SFSWAP: variants seen among roughly 807,000 people sequenced by gnomAD.
SFSWAP encodes splicing factor, suppressor of white-apricot homolog.
SFSWAP carries 17 observed loss-of-function variants against 100.7 expected under a neutral mutation model. The ratio of observed to expected loss-of-function variants is 0.17; its 90% CI spans 0.12 to 0.25. SFSWAP has a LOEUF of 0.25. Among genes scored for constraint, SFSWAP ranks in the 10% least tolerant of loss-of-function variants. The probability of loss-of-function intolerance (pLI) is 1.00; values close to 1 mark genes in which losing one functional copy is unlikely to be tolerated. For synonymous variants in SFSWAP, 504 were observed against 510.1 expected (o/e 0.99, Z 0.16); for missense variants, 1,005 against 1,262.6 (o/e 0.80, Z 3.09).
intron 15 of SFSWAP, among the ~76,000 whole-genome samples, chr12:131,795,465 A>G (rs1362148015): frequency 1.3e-5 from 2 of 152,126 alleles, no homozygotes; most frequent in South Asian, 2.1e-4. Context: ...AGCTCTGTCT[A>G]AGTTCTGCAG....
intron 1 of SFSWAP, chr12:131,713,153 C>G (rs1877542575): frequency 6.6e-6 from 1 of 152,092 alleles, no homozygotes; most frequent in African/African-American, 2.4e-5. Context: ...GTTTGTTTCT[C>G]TACATTTGTT....
At chr12:131,787,013 C>T (rs927281694) in intron 15 of SFSWAP, among the ~76,000 whole-genome samples, 1 of 152,166 alleles carries the variant, frequency 6.6e-6, no homozygotes, top group Non-Finnish European at 1.5e-5. Flanking sequence ...ACGGTGACTA[C>T]GGCCCAGGCT....
chr12:131,715,337 A>G (rs1347653495), intron 3 of SFSWAP, among the ~76,000 whole-genome samples: 1 of 152,118 alleles, frequency 6.6e-6, no homozygotes, highest in African/African-American at 2.4e-5. Flanking sequence ...GCTTCCCCAT[A>G]TCCCTCCACA....
At chr12:131,736,329 G>T (rs1566016091) in intron 7 of SFSWAP, among the ~76,000 whole-genome samples, 1 of 152,126 alleles carries the variant, frequency 6.6e-6, no homozygotes, top group East Asian at 1.9e-4. Context: ...AAATTCTTAG[G>T]AAAGTAAGGA....
At chr12:131,789,349 T>C (rs528149078) in intron 15 of SFSWAP, among the ~76,000 whole-genome samples, 1 of 152,268 alleles carries the variant, frequency 6.6e-6, no homozygotes, top group East Asian at 1.9e-4. Context: ...TTTTAACTTA[T>C]AGGCAAGTTT....
At chr12:131,748,361 T>C in intron 7 of SFSWAP, among the ~76,000 whole-genome samples, 1 of 152,302 alleles carries the variant, frequency 6.6e-6, no homozygotes, top group South Asian at 2.1e-4. Flanking sequence ...AGTTTCACCA[T>C]GTTGGCCAGG....
Position 131,797,364 on chromosome 12 carries a change from A to G in SFSWAP, c.2717+4A>G. 6.3e-7 allele frequency: 1 copy of G among 1,599,940 alleles called. No homozygotes were observed. The highest frequency in any genetic ancestry group is 2.2e-5 in the East Asian group (1 of 44,580). ...GCTCCAGCCAGGAGCGCTCCAGGTA[A>G]CCCCTGTCCTCCAGCAGCTCTCTCT... is the stretch of plus-strand genomic sequence containing the variant. On this transcript the variant is annotated splice_donor_region_variant and intron_variant, in intron 16 of 17. Transcript: ENST00000261674.
At position 131,739,737 on chromosome 12, in the gene SFSWAP, G is replaced by T. The variant is rs1438045636; in HGVS notation, c.1081+11309G>T. ...ATTTTTTGTATTTTTAGTAGACAGG[G>T]TTTCACTGTACTAGCCAGGATGGTC... On this transcript the variant is annotated intron_variant, in intron 7 of 17. Coordinates refer to ENST00000261674, the MANE Select transcript of SFSWAP (RefSeq NM_004592.4). 2.6e-5 allele frequency among the ~76,000 whole-genome samples: 4 copies of T among 151,676 alleles called. No homozygotes were observed. The South Asian group carries it at 8.3e-4, about 31-fold the overall frequency.
At chr12:131,741,722 C>T (rs1324916965) in intron 7 of SFSWAP, among the ~76,000 whole-genome samples, 1 of 151,810 alleles carries the variant, frequency 6.6e-6, no homozygotes, top group African/African-American at 2.4e-5. Flanking sequence ...TGGACCCTGC[C>T]TCACAGCCTC....
chr12:131,741,424 T>C (rs1880616325), intron 7 of SFSWAP, among the ~76,000 whole-genome samples: 1 of 151,986 alleles, frequency 6.6e-6, no homozygotes, highest in Non-Finnish European at 1.5e-5. Flanking sequence ...TCTCTTGAGC[T>C]CAGGAGGTCA....
chr12:131,749,959 G>T (rs1881470515), intron 7 of SFSWAP, among the ~76,000 whole-genome samples: 1 of 152,230 alleles, frequency 6.6e-6, no homozygotes, highest in African/African-American at 2.4e-5. Flanking sequence ...GAGATAAGCT[G>T]AATAGGGGCC....
At chr12:131,716,145 A>G (rs1204734276) in intron 3 of SFSWAP, among the ~76,000 whole-genome samples, 1 of 152,228 alleles carries the variant, frequency 6.6e-6, no homozygotes, top group Non-Finnish European at 1.5e-5. Context: ...GAATGATAGG[A>G]CGTGGGGCAA....
intron 13 of SFSWAP, among the ~76,000 whole-genome samples, chr12:131,768,542 C>A (rs563860097): frequency 5.9e-5 from 9 of 152,268 alleles, no homozygotes; most frequent in African/African-American, 2.2e-4. Flanking sequence ...ATTAGAAGAG[C>A]AGAGAAGATG....
intron 4 of SFSWAP, among the ~76,000 whole-genome samples, chr12:131,724,577 A>T (rs1227697645): frequency 6.6e-6 from 1 of 152,254 alleles, no homozygotes; most frequent in Non-Finnish European, 1.5e-5. Flanking sequence ...TTATTTGCAA[A>T]TAATTTCCTA....
At chr12:131,728,747 C>G (rs1244631883) in intron 7 of SFSWAP, among the ~76,000 whole-genome samples, 1 of 150,714 alleles carries the variant, frequency 6.6e-6, no homozygotes, top group Non-Finnish European at 1.5e-5. Context: ...GTCACCCAGG[C>G]CAGAGTGCAG....
rs1181381602 is a variant in SFSWAP at position 131,745,770 on chromosome 12, CA to C, written c.1082-7342del. 9.1e-3 allele frequency among the ~76,000 whole-genome samples: 1,088 copies of C among 119,100 alleles called. 15 individuals are homozygous for C. Among genetic ancestry groups the C allele is most frequent in the African/African-American group, 0.027 (856 of 32,278 alleles). 78.1% of individuals were successfully genotyped at this position (119,100 alleles called of 152,430 possible). A position where few individuals can be genotyped will look rare whatever the true frequency, so the allele number is the denominator to read the frequency against. On this transcript the variant is annotated intron_variant, in intron 7 of 17. Transcript: ENST00000261674. ...TTAGTAAGGCTTTTTTTTTTTTTGG[CA>C]AAAAAAAAAAGGTAGTATTGTAGAA...
chr12:131,717,947 T>C (rs1317419130), intron 3 of SFSWAP, among the ~76,000 whole-genome samples: 1 of 152,122 alleles, frequency 6.6e-6, no homozygotes, highest in East Asian at 1.9e-4. Flanking sequence ...GCCAGACTGG[T>C]CTCAAACTCC....
At chr12:131,789,748 T>C (rs1359715779) in intron 15 of SFSWAP, among the ~76,000 whole-genome samples, 1 of 152,010 alleles carries the variant, frequency 6.6e-6, no homozygotes, top group African/African-American at 2.4e-5. Context: ...GGTCCCACAG[T>C]TGGGCTTCGT....
At chr12:131,740,265 A>T (rs1385305228) in intron 7 of SFSWAP, among the ~76,000 whole-genome samples, 1 of 152,134 alleles carries the variant, frequency 6.6e-6, no homozygotes, top group Non-Finnish European at 1.5e-5. Context: ...TAACATAAAT[A>T]GCAATTTGCA....
Sources: allele counts gnomAD v4.1 joint callset (sites outside exome capture counted in the v4.1 genomes callset), GRCh38; gene constraint gnomAD v4.1.1; transcripts MANE v1.5; gene names NCBI Gene and HGNC (gene_info 2026-07-23, HGNC 2026-07-21).